Variants in YPEL1 observed in about 807,000 individuals in gnomAD.
YPEL1 encodes protein yippee-like 1.
YPEL1 carries 7 observed loss-of-function variants against 17.3 expected under a neutral mutation model. The observed-to-expected ratio is 0.40, with a 90% confidence interval of 0.23 to 0.76. The LOEUF (loss-of-function observed/expected upper bound fraction) is 0.76, where lower values mean the gene tolerates loss of function less well. Ranked by LOEUF, YPEL1 falls within the 30% of genes least tolerant of loss-of-function variation. The pLI, the probability that YPEL1 is intolerant of heterozygous loss-of-function variation, is 0.35. For missense variants in YPEL1, 91 were observed against 155.5 expected (o/e 0.59, Z 2.21); for synonymous variants, 59 against 59.6 (o/e 0.99, Z 0.05).
intron 1 of YPEL1, among the ~76,000 whole-genome samples, chr22:21,714,037 C>A (rs76849791): frequency 6.8e-6 from 1 of 147,760 alleles, no homozygotes; most frequent in Non-Finnish European, 1.5e-5. Context: ...CTGAGATGCA[C>A]CCCCCACCGC....
rs549243648 is a variant in YPEL1, at chr22:21,733,175, G to A, written c.-165+2440C>T. Among the ~76,000 whole-genome samples, 6 of 152,232 alleles carry A rather than the reference G, an allele frequency of 3.9e-5. 1 individual carries two copies. In the South Asian group the frequency reaches 6.2e-4, roughly 16 times the overall value. ...CTTACACCTGTAATCCCACCACTTT[G>A]GGAGGCTGAGGGGTGGCAGATCATC... On this transcript the variant is annotated intron_variant, in intron 1 of 4. Transcript: ENST00000339468.
rs1387743968 is a variant in YPEL1, at chr22:21,703,991, G to T, written c.118-109C>A. Reference sequence around the variant, plus strand: ...CCGCGGCTGTTAGCTGCGCCGGGACGCGTCACCGGGAGCAGACACCGGCGT... The same window carrying T: ...CCGCGGCTGTTAGCTGCGCCGGGACTCGTCACCGGGAGCAGACACCGGCGT... On this transcript the variant is annotated intron_variant, in intron 2 of 4. Coordinates refer to ENST00000339468, the MANE Select transcript of YPEL1 (RefSeq NM_013313.5). This position sits in a 1 kb window ranked among gnomAD's most constrained non-coding sequence, Gnocchi z 6.1. 2 of 1,242,724 alleles carry T rather than the reference G, an allele frequency of 1.6e-6. No individual in the cohort carries two copies. The highest frequency in any genetic ancestry group is 1.5e-5 in the African/African-American group (1 of 66,876). The allele number at this position is 1,242,724 out of a possible 1,614,324, so 77.0% of individuals were successfully genotyped here.
At chr22:21,711,304 A>T (rs78160656) in intron 1 of YPEL1, among the ~76,000 whole-genome samples, 8,357 of 152,288 alleles carry the variant, frequency 0.055, 265 homozygotes, top group South Asian at 0.11. Flanking sequence ...CTTTACATTT[A>T]GTTGGAAGTG....
At chr22:21,711,434 T>C (rs1227078193) in intron 1 of YPEL1, among the ~76,000 whole-genome samples, 1 of 152,140 alleles carries the variant, frequency 6.6e-6, no homozygotes, top group Non-Finnish European at 1.5e-5. Flanking sequence ...GCCCGGTGAG[T>C]GGGCCCGGTG....
rs375164386 is a variant in YPEL1, at chr22:21,703,495, G to T, written c.162-17C>A. 1.1e-4 allele frequency: 179 copies of T among 1,600,760 alleles called. No individual in the cohort carries two copies. Among genetic ancestry groups the T allele is most frequent in the Non-Finnish European group, 1.5e-4 (175 of 1,176,160 alleles). On this transcript the variant is annotated splice_polypyrimidine_tract_variant and intron_variant, in intron 3 of 4. Coordinates refer to ENST00000339468, the MANE Select transcript of YPEL1 (RefSeq NM_013313.5). This position sits in a 1 kb window ranked among gnomAD's most constrained non-coding sequence, Gnocchi z 6.1. ...ACGTTCACCCTGCGGGGACAGAGGG[G>T]CCACTGCGCTGCAGGCCCGGCCCGC... is the stretch of plus-strand genomic sequence containing the variant.
At chr22:21,719,302 C>T (rs918929683) in intron 1 of YPEL1, among the ~76,000 whole-genome samples, 5 of 152,178 alleles carry the variant, frequency 3.3e-5, no homozygotes, top group African/African-American at 7.2e-5. Context: ...TGGAAGGAAG[C>T]GTTCTGACTT....
At chr22:21,702,642 T>G (rs1045317347) in intron 4 of YPEL1, among the ~76,000 whole-genome samples, 3 of 151,704 alleles carry the variant, frequency 2.0e-5, no homozygotes, top group Non-Finnish European at 2.9e-5. Context: ...CAACAACAAC[T>G]GGGGAAGGCA....
Position 21,716,363 on chromosome 22 carries a change from G to C in YPEL1, c.-164-5455C>G, listed in dbSNP as rs530771042. 2.0e-4 allele frequency among the ~76,000 whole-genome samples: 30 copies of C among 152,372 alleles called. No homozygotes were observed. The Middle Eastern group carries it at 0.01, about 52-fold the overall frequency. ...AAGGATGTTTTCTTAAAGGCATCCAGGGGCTGACAAGACAGTGAGGAGCCG... is the reference window on the plus strand; with the variant it reads ...AAGGATGTTTTCTTAAAGGCATCCACGGGCTGACAAGACAGTGAGGAGCCG... On this transcript the variant is annotated intron_variant, in intron 1 of 4. Transcript: ENST00000339468.
rs2068051791 is a variant in YPEL1, at chr22:21,700,265, C to A, written c.*864G>T. ...CTAAAAAAGGGAATGGTGAGACTTG[C>A]TATCTAAAGAGACCCTGTCCCTGTG... On this transcript the variant is annotated 3_prime_UTR_variant, in exon 5 of 5. Transcript: ENST00000339468. The A allele has an allele frequency of 6.6e-6, 1 of 152,262 alleles. No individual in the cohort carries two copies. The highest frequency in any genetic ancestry group is 2.4e-5 in the African/African-American group (1 of 41,440). 9.4% of individuals were successfully genotyped at this position (152,262 alleles called of 1,614,324 possible).
intron 1 of YPEL1, among the ~76,000 whole-genome samples, chr22:21,712,365 T>G (rs1217851147): frequency 1.9e-5 from 1 of 51,590 alleles, no homozygotes; most frequent in African/African-American, 7.8e-5. Flanking sequence ...TATTGGAATA[T>G]GTAAAAAAAA....
chr22:21,715,833 G>A (rs28572084), intron 1 of YPEL1, among the ~76,000 whole-genome samples: 72 of 108,400 alleles, frequency 6.6e-4, no homozygotes, highest in African/African-American at 2.0e-3. Flanking sequence ...GCACGATCTT[G>A]GCTCACCACA....
At chr22:21,712,281 T>C (rs1044544453) in intron 1 of YPEL1, among the ~76,000 whole-genome samples, 70 of 151,464 alleles carry the variant, frequency 4.6e-4, no homozygotes, top group African/African-American at 1.6e-3. Flanking sequence ...AAGGTGTTAA[T>C]ATCTAGAATA....
chr22:21,721,803 G>T (rs2068286624), intron 1 of YPEL1, among the ~76,000 whole-genome samples: 1 of 151,772 alleles, frequency 6.6e-6, no homozygotes, highest in Non-Finnish European at 1.5e-5. Flanking sequence ...TCGGTACAAT[G>T]GACAGCAGAT....
intron 1 of YPEL1, among the ~76,000 whole-genome samples, chr22:21,714,358 T>C (rs993326948): frequency 3.3e-5 from 5 of 152,284 alleles, no homozygotes; most frequent in African/African-American, 9.6e-5. Context: ...TTCTTGGTCT[T>C]TGCTTGTCCT....
chr22:21,723,958 C>A (rs1323564912), intron 1 of YPEL1, among the ~76,000 whole-genome samples: 1 of 152,168 alleles, frequency 6.6e-6, no homozygotes, highest in Non-Finnish European at 1.5e-5. Flanking sequence ...TGAGCCACCA[C>A]GCCTGGCCTG....
chr22:21,714,797 G>C (rs949300761), intron 1 of YPEL1, among the ~76,000 whole-genome samples: 6 of 147,266 alleles, frequency 4.1e-5, no homozygotes, highest in Non-Finnish European at 9.1e-5. Flanking sequence ...TGCCTGGCAG[G>C]TATAAGGCAG....
chr22:21,718,277 C>T (rs1230463176), intron 1 of YPEL1, among the ~76,000 whole-genome samples: 1 of 151,802 alleles, frequency 6.6e-6, no homozygotes, highest in East Asian at 1.9e-4. Context: ...TCCTGGCTAA[C>T]ACAATGAAAC....
At chr22:21,724,946 C>T (rs927620697) in intron 1 of YPEL1, among the ~76,000 whole-genome samples, 17 of 149,318 alleles carry the variant, frequency 1.1e-4, no homozygotes, top group African/African-American at 3.0e-4. Flanking sequence ...TCGCTCTTTC[C>T]GCCCAGGCTC....
At position 21,704,155 on chromosome 22, in the gene YPEL1, T is replaced by A. The variant is rs577330164; in HGVS notation, c.118-273A>T. Reference sequence around the variant, plus strand: ...TATTGGGAATCATGGCAAGATCAGTTTTTAAATGGTGAGCTTCATATGTCT... The same window carrying A: ...TATTGGGAATCATGGCAAGATCAGTATTTAAATGGTGAGCTTCATATGTCT... On this transcript the variant is annotated intron_variant, in intron 2 of 4. Transcript: ENST00000339468. The A allele has an allele frequency of 5.6e-6, 4 of 718,252 alleles. No homozygotes were observed. The East Asian group carries it at 1.1e-4, about 19-fold the overall frequency. 44.5% of individuals were successfully genotyped at this position (718,252 alleles called of 1,614,324 possible). A position where few individuals can be genotyped will look rare whatever the true frequency, so the allele number is the denominator to read the frequency against.
Sources: gnomAD v4.1 joint callset for allele counts (sites outside exome capture counted in the v4.1 genomes callset) on GRCh38, gnomAD v4.1.1 for gene constraint, Gnocchi (gnomAD v3.1) non-coding constraint, MANE v1.5 for transcripts, NCBI Gene and HGNC (gene_info 2026-07-23, HGNC 2026-07-21) for gene names.